Variants in DLG2 observed in about 807,000 individuals in gnomAD.
DLG2 encodes the protein discs large MAGUK scaffold protein 2.
Under a neutral mutation model 132.5 loss-of-function variants are expected in DLG2, and 45 were observed. The observed-to-expected ratio is 0.34, with a 90% CI of 0.27 to 0.44. The LOEUF is 0.44. Ranked by LOEUF, DLG2 falls within the 20% of genes least tolerant of loss-of-function variation. DLG2 has a pLI of 1.00. For missense variants in DLG2, 1,045 were observed against 1,196.9 expected (o/e 0.87, Z 1.87); for synonymous variants, 424 against 419.6 (o/e 1.01, Z -0.13).
At chr11:84,681,484 G>C (rs1222630114) in intron 6 of DLG2, among the ~76,000 whole-genome samples, 1 of 152,102 alleles carries the variant, frequency 6.6e-6, no homozygotes, top group African/African-American at 2.4e-5. Flanking sequence ...TAGGAAGTGG[G>C]GGGTACCGGT....
At chr11:85,319,149 T>C (rs2080883986) in intron 3 of DLG2, among the ~76,000 whole-genome samples, 1 of 151,850 alleles carries the variant, frequency 6.6e-6, no homozygotes, top group Non-Finnish European at 1.5e-5. Flanking sequence ...CTAAGCAATT[T>C]CTTTAAGCCC....
In DLG2 at chr11:83,458,560, C is replaced by CCAT. The variant is rs1191364492; in HGVS notation, c.*1255_*1257dup. On this transcript the variant is annotated 3_prime_UTR_variant, in exon 28 of 28. Transcript: ENST00000376104. ...AACAGATCTCTCATTGGCTCTAGTA[C>CCAT]CATCTCTGGATGTTACAAAACTCTC... is the stretch of plus-strand genomic sequence containing the variant. 8 of 152,536 alleles carry CCAT rather than the reference C, an allele frequency of 5.2e-5. No homozygotes were observed. Among genetic ancestry groups the CCAT allele is most frequent in the African/African-American group, 1.9e-4 (8 of 41,444 alleles). 9.4% of individuals were successfully genotyped at this position (152,536 alleles called of 1,614,324 possible). A position where few individuals can be genotyped will look rare whatever the true frequency, so the allele number is the denominator to read the frequency against.
At position 85,568,951 on chromosome 11, in the gene DLG2, G is replaced by C. The variant is rs565406568; in HGVS notation, c.40+29706C>G. 4.6e-4 allele frequency among the ~76,000 whole-genome samples: 70 copies of C among 151,928 alleles called. 1 individual carries two copies. The highest frequency in any genetic ancestry group is 6.2e-4 in the South Asian group (3 of 4,818). ...ATTATTTCCTTCCCTGTTTGCTTTG[G>C]GTTTAGTTCATTCTTCTTTTTCTAG... On this transcript the variant is annotated intron_variant, in intron 3 of 27. Coordinates refer to ENST00000376104, the MANE Select transcript of DLG2 (RefSeq NM_001142699.3).
intron 4 of DLG2, among the ~76,000 whole-genome samples, chr11:85,191,204 A>ACG (rs1491588845): frequency 6.7e-6 from 1 of 148,636 alleles, no homozygotes; most frequent in Non-Finnish European, 1.5e-5. Flanking sequence ...ACACACACAC[A>ACG]CGTTTGGATA....
chr11:85,398,466 T>G (rs1374018448), intron 3 of DLG2, among the ~76,000 whole-genome samples: 1 of 152,024 alleles, frequency 6.6e-6, no homozygotes, highest in African/African-American at 2.4e-5. Context: ...CAAAAAAATC[T>G]TCAAAAAATC....
intron 7 of DLG2, among the ~76,000 whole-genome samples, chr11:84,275,353 A>G (rs1359412777): frequency 3.5e-5 from 2 of 57,206 alleles, no homozygotes; most frequent in East Asian, 8.3e-4. Flanking sequence ...CCCATGTGCT[A>G]TAATTTTTTT....
rs35141583 is a variant in DLG2 at position 85,377,803 on chromosome 11, A to ATATATATGTG, written c.41-92439_41-92438insCACATATATA. Among the ~76,000 whole-genome samples the ATATATATGTG allele has an allele frequency of 2.0e-3, 263 of 131,302 alleles. 1 individual carries two copies. Among genetic ancestry groups the ATATATATGTG allele is most frequent in the Middle Eastern group, 7.8e-3 (2 of 256 alleles). The allele number at this position is 131,302 out of a possible 152,430, so 86.1% of individuals were successfully genotyped here. A position where few individuals can be genotyped will look rare whatever the true frequency, so the allele number is the denominator to read the frequency against. ...TGTATACATATATATATATATATAT[A>ATATATATGTG]TGTGTGTGTGTGTGTGTGTGTATAC... On this transcript the variant is annotated intron_variant, in intron 3 of 27. Coordinates refer to ENST00000376104, the MANE Select transcript of DLG2 (RefSeq NM_001142699.3).
intron 2 of DLG2, among the ~76,000 whole-genome samples, chr11:85,615,700 C>A (rs1489500894): frequency 6.6e-6 from 1 of 152,088 alleles, no homozygotes; most frequent in African/African-American, 2.4e-5. Context: ...AGATGATTTA[C>A]AAATTACTTT....
intron 7 of DLG2, among the ~76,000 whole-genome samples, chr11:84,380,749 C>T (rs2098746468): frequency 6.6e-6 from 1 of 151,668 alleles, no homozygotes; most frequent in East Asian, 1.9e-4. Flanking sequence ...AAAATAAATA[C>T]AATAGAGAAA....
At chr11:84,519,201 C>G (rs982074848) in intron 7 of DLG2, among the ~76,000 whole-genome samples, 13 of 152,096 alleles carry the variant, frequency 8.5e-5, no homozygotes, top group African/African-American at 2.9e-4. Flanking sequence ...ATTTCTGTGA[C>G]CCTGATGAAA....
chr11:83,703,694 A>G (rs2083374089), intron 18 of DLG2, among the ~76,000 whole-genome samples: 2 of 152,336 alleles, frequency 1.3e-5, no homozygotes, highest in South Asian at 4.1e-4. Flanking sequence ...ATTTGAAATA[A>G]TTATTTTCCA....
Position 84,803,451 on chromosome 11 carries a change from T to C in DLG2, c.358-268720A>G, listed in dbSNP as rs546667876. On this transcript the variant is annotated intron_variant, in intron 6 of 27. Transcript: ENST00000376104. The stretch of plus-strand genomic sequence containing the variant: ...TAATACTGTCAATTATATGTTTACT[T>C]GGACTTTGATATGAGGGCCCTGAAA... Among the ~76,000 whole-genome samples, 6 of 152,298 alleles carry C rather than the reference T, an allele frequency of 3.9e-5. No homozygotes were observed. In the East Asian group the frequency reaches 1.2e-3, roughly 29 times the overall value.
chr11:85,535,225 C>T (rs780013656), intron 3 of DLG2, among the ~76,000 whole-genome samples: 34 of 151,818 alleles, frequency 2.2e-4, no homozygotes, highest in Admixed American at 9.2e-4. Flanking sequence ...TGTGGTGATG[C>T]GGAGTATTTA....
At position 85,013,864 on chromosome 11, in the gene DLG2, T is replaced by C. The variant is rs373860533; in HGVS notation, c.357+97797A>G. On this transcript the variant is annotated intron_variant, in intron 6 of 27. Coordinates refer to ENST00000376104, the MANE Select transcript of DLG2 (RefSeq NM_001142699.3). ...AGGGTTTATAGCAAAATGGTTATTT[T>C]TTTAAGGTGCATGCTATTATGCTAT... is the stretch of plus-strand genomic sequence containing the variant. 5.2e-4 allele frequency among the ~76,000 whole-genome samples: 79 copies of C among 152,336 alleles called. No individual in the cohort carries two copies. In the South Asian group the frequency reaches 0.016, roughly 30 times the overall value.
intron 6 of DLG2, among the ~76,000 whole-genome samples, chr11:84,749,047 G>A (rs968458251): frequency 2.0e-5 from 3 of 152,046 alleles, no homozygotes; most frequent in Non-Finnish European, 2.9e-5. Context: ...ACAAATAAAT[G>A]GAAGAGAGAT....
intron 15 of DLG2, among the ~76,000 whole-genome samples, chr11:83,903,334 T>C (rs1233263942): frequency 1.3e-5 from 2 of 152,094 alleles, no homozygotes; most frequent in African/African-American, 4.8e-5. Flanking sequence ...AAAAAACCTA[T>C]CAGACCCATT....
chr11:84,448,783 A>G (rs375488176), intron 7 of DLG2, among the ~76,000 whole-genome samples: 1 of 152,050 alleles, frequency 6.6e-6, no homozygotes, highest in African/African-American at 2.4e-5. Context: ...AACGCCTATG[A>G]AACACTCAAG....
chr11:84,310,848 G>T (rs1398684849), intron 7 of DLG2, among the ~76,000 whole-genome samples: 1 of 152,178 alleles, frequency 6.6e-6, no homozygotes, highest in African/African-American at 2.4e-5. Flanking sequence ...GGACTAAAAA[G>T]TCCTCCGCAC....
intron 4 of DLG2, among the ~76,000 whole-genome samples, chr11:85,265,421 A>T (rs1456533660): frequency 1.3e-5 from 2 of 152,356 alleles, no homozygotes; most frequent in Non-Finnish European, 2.9e-5. Flanking sequence ...ACATTGAAGT[A>T]AATAGGGGAA....
Sources: allele counts gnomAD v4.1 joint callset (sites outside exome capture counted in the v4.1 genomes callset), GRCh38; gene constraint gnomAD v4.1.1; transcripts MANE v1.5; gene names NCBI Gene and HGNC (gene_info 2026-07-23, HGNC 2026-07-21).